Variants in NRG1 observed in about 807,000 individuals in gnomAD.
The protein encoded by NRG1 is neuregulin 1, also known as pro-neuregulin-1, membrane-bound isoform.
A neutral mutation model predicts 63.8 loss-of-function variants in NRG1; 18 were observed. That is an observed-to-expected ratio of 0.28 (90% CI 0.19 to 0.42). NRG1 has a LOEUF of 0.42. Among genes scored for constraint, NRG1 ranks in the 10% least tolerant of loss-of-function variants. The probability of loss-of-function intolerance (pLI) is 1.00; values close to 1 mark genes in which losing one functional copy is unlikely to be tolerated. For missense variants in NRG1, 762 were observed against 814.7 expected (o/e 0.94, Z 0.79); for synonymous variants, 302 against 301.3 (o/e 1.00, Z -0.02).
intron 1 of NRG1, among the ~76,000 whole-genome samples, chr8:31,989,441 G>T (rs1394413640): frequency 6.6e-6 from 1 of 151,766 alleles, no homozygotes; most frequent in African/African-American, 2.4e-5. Context: ...TCCCAGTTCA[G>T]TTTGCATCGT....
At chr8:32,493,841 A>AGATGAT (rs1243410980) in intron 1 of NRG1, among the ~76,000 whole-genome samples, 2 of 152,224 alleles carry the variant, frequency 1.3e-5, no homozygotes, top group Non-Finnish European at 2.9e-5. Context: ...GGATAATCCC[A>AGATGAT]GATGATGTTG....
At chr8:32,476,211 A>G (rs1824499770) in intron 1 of NRG1, among the ~76,000 whole-genome samples, 1 of 152,214 alleles carries the variant, frequency 6.6e-6, no homozygotes, top group South Asian at 2.1e-4. Context: ...ATAGGGGAAA[A>G]AAGGGACCAA....
intron 1 of NRG1, among the ~76,000 whole-genome samples, chr8:32,448,709 G>A (rs1820582086): frequency 6.6e-6 from 1 of 152,138 alleles, no homozygotes; most frequent in South Asian, 2.1e-4. Flanking sequence ...GAGGTGGATT[G>A]TAGCTTTTAT....
intron 1 of NRG1, among the ~76,000 whole-genome samples, chr8:32,243,929 T>C (rs1388741029): frequency 6.6e-6 from 1 of 152,160 alleles, no homozygotes. Context: ...TCCTGCACAT[T>C]GATCCTCGAT....
chr8:32,700,314 G>A (rs1182828236), intron 5 of NRG1, among the ~76,000 whole-genome samples: 2 of 151,702 alleles, frequency 1.3e-5, no homozygotes, highest in Admixed American at 6.6e-5. Flanking sequence ...AAATAATTTT[G>A]GCAATACTGT....
intron 7 of NRG1, among the ~76,000 whole-genome samples, chr8:32,747,722 A>G (rs903097886): frequency 4.5e-5 from 6 of 134,304 alleles, no homozygotes; most frequent in African/African-American, 1.4e-4. Flanking sequence ...GTGTGCATAT[A>G]TGTGTGTGTG....
intron 1 of NRG1, among the ~76,000 whole-genome samples, chr8:32,018,851 C>T (rs1433635154): frequency 6.6e-6 from 1 of 152,220 alleles, no homozygotes; most frequent in Non-Finnish European, 1.5e-5. Flanking sequence ...GGTTTATATT[C>T]TCACTGACAA....
intron 1 of NRG1, among the ~76,000 whole-genome samples, chr8:31,651,219 TA>T (rs1011607428): frequency 1.3e-5 from 2 of 152,250 alleles, no homozygotes; most frequent in Non-Finnish European, 2.9e-5. Flanking sequence ...TTGTGTCATT[TA>T]AAAAAATATT....
chr8:31,857,639 C>T (rs535807641), intron 1 of NRG1, among the ~76,000 whole-genome samples: 87 of 152,240 alleles, frequency 5.7e-4, no homozygotes, highest in Non-Finnish European at 1.1e-3. Flanking sequence ...GCTTCAAGAG[C>T]GGGAATACAT....
At chr8:32,490,398 A>C (rs980832953) in intron 1 of NRG1, among the ~76,000 whole-genome samples, 2 of 152,084 alleles carry the variant, frequency 1.3e-5, no homozygotes, top group Admixed American at 6.5e-5. Flanking sequence ...CCTCCATGCA[A>C]TTCTGATGTG....
chr8:31,679,820 A>G (rs552019572), intron 1 of NRG1, among the ~76,000 whole-genome samples: 1 of 152,152 alleles, frequency 6.6e-6, no homozygotes, highest in Non-Finnish European at 1.5e-5. Flanking sequence ...ATCCCAAAAA[A>G]ATACAGATTA....
intron 1 of NRG1, among the ~76,000 whole-genome samples, chr8:32,532,321 G>T (rs1398771244): frequency 6.6e-6 from 1 of 152,020 alleles, no homozygotes; most frequent in Non-Finnish European, 1.5e-5. Flanking sequence ...CCTGATTAAA[G>T]CTAGTATGTG....
intron 1 of NRG1, among the ~76,000 whole-genome samples, chr8:31,755,158 T>C (rs902690553): frequency 2.0e-4 from 31 of 152,068 alleles, no homozygotes; most frequent in African/African-American, 7.2e-4. Flanking sequence ...AGTTTTTGGC[T>C]CATTTCCTCC....
chr8:32,522,228 C>T (rs922764409), intron 1 of NRG1, among the ~76,000 whole-genome samples: 11 of 152,202 alleles, frequency 7.2e-5, no homozygotes, highest in Admixed American at 2.6e-4. Context: ...CCAATGAGAA[C>T]CCCTTCTTAC....
At chr8:31,981,358 A>T (rs1337054509) in intron 1 of NRG1, among the ~76,000 whole-genome samples, 1 of 151,980 alleles carries the variant, frequency 6.6e-6, no homozygotes, top group Admixed American at 6.6e-5. Flanking sequence ...TGGTAGTTGG[A>T]GTGTATAATC....
intron 1 of NRG1, among the ~76,000 whole-genome samples, chr8:32,049,829 C>G (rs1008051873): frequency 1.3e-5 from 2 of 152,078 alleles, no homozygotes; most frequent in Non-Finnish European, 2.9e-5. Context: ...TGCAGACCCT[C>G]CAATCAGCCT....
intron 1 of NRG1, among the ~76,000 whole-genome samples, chr8:31,650,506 C>T (rs1035623038): frequency 1.3e-5 from 2 of 152,202 alleles, no homozygotes; most frequent in African/African-American, 2.4e-5. Flanking sequence ...CCTCGATCTT[C>T]TTCCACCCTC....
intron 1 of NRG1, among the ~76,000 whole-genome samples, chr8:31,964,744 T>G (rs1456071303): frequency 6.6e-6 from 1 of 152,126 alleles, no homozygotes; most frequent in African/African-American, 2.4e-5. Context: ...AATAATAACT[T>G]GACAGAGAGA....
At chr8:32,264,541 G>A (rs927638525) in intron 1 of NRG1, among the ~76,000 whole-genome samples, 2 of 152,110 alleles carry the variant, frequency 1.3e-5, no homozygotes, top group African/African-American at 4.8e-5. Context: ...CAGCTGTGAA[G>A]ACACTGCACA....
Sources: gnomAD v4.1 joint callset for allele counts (sites outside exome capture counted in the v4.1 genomes callset) on GRCh38, gnomAD v4.1.1 for gene constraint, MANE v1.5 for transcripts, NCBI Gene and HGNC (gene_info 2026-07-23, HGNC 2026-07-21) for gene names.